The following PPP2R5C variants were observed in gnomAD, a reference collection of about 807,000 sequenced individuals.
PPP2R5C encodes the protein protein phosphatase 2 regulatory subunit B'gamma.
In PPP2R5C, 7 loss-of-function variants were observed where a neutral mutation model predicts 68.9. That is an observed-to-expected ratio of 0.10 (90% CI 0.06 to 0.19). PPP2R5C has a LOEUF of 0.19. PPP2R5C is among the 10% of genes least tolerant of loss of function. The pLI is 1.00. For synonymous variants in PPP2R5C, 210 were observed against 222.2 expected (o/e 0.95, Z 0.49); for missense variants, 348 against 641.3 (o/e 0.54, Z 4.94).
chr14:101,925,173 T>G (rs1052686695), exon 14 of PPP2R5C: 8 of 1,613,986 alleles, frequency 5.0e-6, no homozygotes, highest in African/African-American at 2.7e-5. Context: ...ACCGTCCTCT[T>G]GCACGCCGCA....
rs867375224 is a variant in PPP2R5C, at chr14:101,849,784, G to A, written c.95-6902G>A. Reference sequence around the variant, plus strand: ...TCCCAACACAACGTGTTGAAAGGCCGACTTTTCCTCACTCCTCTGCAACCC... The same window carrying A: ...TCCCAACACAACGTGTTGAAAGGCCAACTTTTCCTCACTCCTCTGCAACCC... On this transcript the variant is annotated intron_variant, in intron 1 of 13. Coordinates refer to ENST00000334743, the Ensembl canonical transcript of PPP2R5C. Among the ~76,000 whole-genome samples the A allele has an allele frequency of 1.7e-4, 26 of 152,050 alleles. 1 individual carries two copies. The highest frequency in any genetic ancestry group is 5.8e-4 in the African/African-American group (24 of 41,384).
At chr14:101,887,194 A>G (rs980047842) in intron 5 of PPP2R5C, among the ~76,000 whole-genome samples, 5 of 152,248 alleles carry the variant, frequency 3.3e-5, no homozygotes, top group African/African-American at 1.2e-4. Context: ...AGTGCTGTCC[A>G]TAACCCATGG....
At chr14:101,909,545 C>T in intron 10 of PPP2R5C, 44 bp from the exon 13 acceptor site, 1 of 1,379,564 alleles carries the variant, frequency 7.2e-7, no homozygotes, top group Non-Finnish European at 1.0e-6. Context: ...GAGGGCTCAG[C>T]AGGAATGCGT....
At chr14:101,855,476 A>G (rs765295799) in intron 1 of PPP2R5C, among the ~76,000 whole-genome samples, 16 of 152,208 alleles carry the variant, frequency 1.1e-4, no homozygotes, top group Non-Finnish European at 1.8e-4. Context: ...TGTAAGGTGG[A>G]ATCTGAAACT....
In PPP2R5C at chr14:101,891,545, AGG is replaced by A. The variant is rs1224106519; in HGVS notation, c.689+1251_689+1252del. On this transcript the variant is annotated intron_variant, in intron 6 of 13. Transcript: ENST00000334743. This position sits in a 1 kb window ranked among gnomAD's most constrained non-coding sequence, Gnocchi z 4.9. ...TCGCATTTCCCTCCTAGGTTGTTGC[AGG>A]GACCGGAGCGCTGTATGACATGTGT... Among the ~76,000 whole-genome samples, 5 of 152,140 alleles carry A rather than the reference AGG, an allele frequency of 3.3e-5. No homozygotes were observed. The highest frequency in any genetic ancestry group is 1.2e-4 in the African/African-American group (5 of 41,514).
intron 5 of PPP2R5C, among the ~76,000 whole-genome samples, chr14:101,889,441 C>T (rs998191708): frequency 2.0e-5 from 3 of 152,150 alleles, no homozygotes; most frequent in African/African-American, 4.8e-5. Context: ...TCTTTGTGCC[C>T]GGTTTATTCA....
At position 101,765,446 on chromosome 14, in the gene PPP2R5C, C is replaced by T. The variant is rs2036801619; in HGVS notation, c.93+2476C>T. 1.0e-5 allele frequency: 6 copies of T among 586,054 alleles called. No individual in the cohort carries two copies. In the South Asian group the frequency reaches 1.3e-4, roughly 12 times the overall value. The allele number at this position is 586,054 out of a possible 1,614,324, so 36.3% of individuals were successfully genotyped here. ...ACTTACCAAATATGATTGACTCATG[C>T]AGGTGAATTAAACCATTATTGCACA... On this transcript the variant is annotated intron_variant, in intron 2 of 14. Transcript: ENST00000328724.
intron 1 of PPP2R5C, among the ~76,000 whole-genome samples, chr14:101,815,296 G>T (rs2039592686): frequency 6.6e-6 from 1 of 152,158 alleles, no homozygotes. Context: ...GAGAGATGCT[G>T]GTGAAAGCTC....
chr14:101,887,647 G>A (rs2044616404), intron 5 of PPP2R5C, among the ~76,000 whole-genome samples: 1 of 152,190 alleles, frequency 6.6e-6, no homozygotes, highest in South Asian at 2.1e-4. Context: ...TCCAAGAGGG[G>A]AGAGGCAGGA....
Position 101,883,742 on chromosome 14 carries a change from C to T in PPP2R5C, c.629+180C>T, listed in dbSNP as rs1374230779. Among the ~76,000 whole-genome samples, 5 of 152,250 alleles carry T rather than the reference C, an allele frequency of 3.3e-5. No homozygotes were observed. In the East Asian group the frequency reaches 5.8e-4, roughly 18 times the overall value. On this transcript the variant is annotated intron_variant, in intron 5 of 13. Transcript: ENST00000334743. ...ACTGTGTGCAGGGGGCTGCTGGGCT[C>T]ATCCTCCCTGCCTTCCTCCCCTCTC...
At position 101,882,091 on chromosome 14, in the gene PPP2R5C, G is replaced by A. The variant is rs2044203392; in HGVS notation, c.295-70G>A. 6.1e-6 allele frequency: 8 copies of A among 1,302,150 alleles called. No individual in the cohort carries two copies. The highest frequency in any genetic ancestry group is 1.5e-5 in the African/African-American group (1 of 67,050). 80.7% of individuals were successfully genotyped at this position (1,302,150 alleles called of 1,614,324 possible). A position where few individuals can be genotyped will look rare whatever the true frequency, so the allele number is the denominator to read the frequency against. On this transcript the variant is annotated intron_variant, in intron 2 of 13. Transcript: ENST00000334743. The surrounding 1 kb of genome is among the most constrained non-coding windows in gnomAD (Gnocchi z 4.9). Reference sequence around the variant, plus strand: ...AGCGGCTACTGTTAGAATTACCTAAGACTTTATAAAATGTTGTCTGTAAAT... The same window carrying A: ...AGCGGCTACTGTTAGAATTACCTAAAACTTTATAAAATGTTGTCTGTAAAT...
chr14:101,764,801 C>CTT (rs34973768), intron 2 of PPP2R5C, among the ~76,000 whole-genome samples: 1,614 of 129,294 alleles, frequency 0.012, 34 homozygotes, highest in African/African-American at 0.042. Context: ...TGCTATATGC[C>CTT]TTTTTTTTTT....
chr14:101,919,286 A>G (rs1288666491), intron 13 of PPP2R5C, among the ~76,000 whole-genome samples: 1 of 152,250 alleles, frequency 6.6e-6, no homozygotes, highest in Admixed American at 6.5e-5. Flanking sequence ...AAGCCTGAAA[A>G]TACTAGAAAT....
chr14:101,924,727 C>A (rs955511737), intron 13 of PPP2R5C, among the ~76,000 whole-genome samples: 1 of 152,020 alleles, frequency 6.6e-6, no homozygotes, highest in Non-Finnish European at 1.5e-5. Flanking sequence ...AGGCATGAGC[C>A]ACCGCACCCA....
chr14:101,839,858 G>A (rs1462548964), intron 1 of PPP2R5C, among the ~76,000 whole-genome samples: 15 of 152,334 alleles, frequency 9.8e-5, no homozygotes, highest in Admixed American at 7.8e-4. Context: ...AGGAGCCCAT[G>A]AAGCCTGGCT....
upstream of PPP2R5C, among the ~76,000 whole-genome samples, chr14:101,808,861 A>G (rs1042697040): frequency 2.0e-5 from 3 of 152,200 alleles, no homozygotes. Flanking sequence ...ACTACTAATA[A>G]CACTCATTTT....
In PPP2R5C at chr14:101,781,049, G is replaced by A. The variant is rs1256245594; in HGVS notation, c.94-4969G>A. Among the ~76,000 whole-genome samples the A allele has an allele frequency of 6.6e-6, 1 of 152,140 alleles. No homozygotes were observed. Among genetic ancestry groups the A allele is most frequent in the Non-Finnish European group, 1.5e-5 (1 of 68,018 alleles). ...CCATGGAATGCAGCGTGGGGCAGCC[G>A]CTCCCCAGCCTTCCTCCCTAGCCGT... is the stretch of plus-strand genomic sequence containing the variant. On this transcript the variant is annotated intron_variant, in intron 2 of 14. Coordinates refer to the PPP2R5C transcript ENST00000328724. This position sits in a 1 kb window ranked among gnomAD's most constrained non-coding sequence, Gnocchi z 6.4.
rs1012094734 is a variant in PPP2R5C at position 101,763,048 on chromosome 14, C to T, written c.93+78C>T. Reference sequence around the variant, plus strand: ...GGTAGAAAAACCGAGAGTGATAAAGCCTAGAATCTTCTAAAATGTTTCCCT... The same window carrying T: ...GGTAGAAAAACCGAGAGTGATAAAGTCTAGAATCTTCTAAAATGTTTCCCT... On this transcript the variant is annotated intron_variant, in intron 2 of 14. Transcript: ENST00000328724. The T allele has an allele frequency of 1.5e-5, 19 of 1,248,832 alleles. No homozygotes were observed. The African/African-American group carries it at 1.7e-4, about 11-fold the overall frequency. The allele number at this position is 1,248,832 out of a possible 1,614,324, so 77.4% of individuals were successfully genotyped here.
In PPP2R5C at chr14:101,819,008, A is replaced by G. The variant is rs142241208; in HGVS notation, c.94+8972A>G. 920 of 1,550,806 alleles carry G rather than the reference A, an allele frequency of 5.9e-4. 9 individuals are homozygous for G. In the African/African-American group the frequency reaches 0.011, roughly 19 times the overall value. The stretch of plus-strand genomic sequence containing the variant: ...TCACTCTAGGGAACAAGTCCTGAAG[A>G]ACCCTCAAGCCCTAAAGTACCACCT... On this transcript the variant is annotated intron_variant, in intron 1 of 13. Transcript: ENST00000334743.
Sources: gnomAD v4.1 joint callset for allele counts (sites outside exome capture counted in the v4.1 genomes callset) on GRCh38, gnomAD v4.1.1 for gene constraint, Gnocchi (gnomAD v3.1) non-coding constraint, MANE v1.5 for transcripts, NCBI Gene and HGNC (gene_info 2026-07-23, HGNC 2026-07-21) for gene names.